CDH13: variants seen among roughly 807,000 people sequenced by gnomAD.
CDH13 encodes cadherin-13.
In CDH13, 24 loss-of-function variants were observed where a neutral mutation model predicts 63.8. The ratio of observed to expected loss-of-function variants is 0.38; its 90% confidence interval spans 0.27 to 0.53. The LOEUF is 0.53. Ranked by LOEUF, CDH13 falls within the 20% of genes least tolerant of loss-of-function variation. The pLI is 0.85. For missense variants in CDH13, 1,049 were observed against 903.1 expected, an observed-to-expected ratio of 1.16 and a Z score of -2.07; for synonymous variants, 503 against 355.3, an observed-to-expected ratio of 1.42 and a Z score of -4.67.
chr16:83,412,149 T>C (rs757585079), intron 6 of CDH13, among the ~76,000 whole-genome samples: 1 of 152,214 alleles, frequency 6.6e-6, no homozygotes, highest in Non-Finnish European at 1.5e-5. Context: ...AATCATGTAC[T>C]TCCTTTTCAC....
chr16:82,916,512 T>G (rs1422063680), intron 2 of CDH13, among the ~76,000 whole-genome samples: 5 of 151,938 alleles, frequency 3.3e-5, no homozygotes, highest in African/African-American at 1.2e-4. Context: ...AGTTGGAGGT[T>G]GCAGTGAGCT....
intron 1 of CDH13, among the ~76,000 whole-genome samples, chr16:82,856,324 G>A (rs2151162244): frequency 6.8e-6 from 1 of 147,386 alleles, no homozygotes; most frequent in Non-Finnish European, 1.5e-5. Context: ...GCAGTGAGCA[G>A]AGATCATGCC....
intron 3 of CDH13, among the ~76,000 whole-genome samples, chr16:83,088,584 C>G (rs2033731022): frequency 6.6e-6 from 1 of 152,124 alleles, no homozygotes; most frequent in Non-Finnish European, 1.5e-5. Flanking sequence ...GGCCCCTGTC[C>G]TATAAAGTAA....
chr16:82,890,291 A>G (rs899024872), intron 2 of CDH13, among the ~76,000 whole-genome samples: 4 of 152,210 alleles, frequency 2.6e-5, no homozygotes, highest in Admixed American at 6.5e-5. Flanking sequence ...AGTTTCAGTT[A>G]TCTAGGATAG....
chr16:83,352,372 T>C (rs865856275), intron 6 of CDH13, among the ~76,000 whole-genome samples: 1 of 152,154 alleles, frequency 6.6e-6, no homozygotes, highest in African/African-American at 2.4e-5. Context: ...TTAGTGGAAA[T>C]GTAAACAAAT....
At chr16:82,881,540 G>A (rs78375072) in intron 2 of CDH13, among the ~76,000 whole-genome samples, 8 of 152,168 alleles carry the variant, frequency 5.3e-5, no homozygotes, top group Non-Finnish European at 1.0e-4. Flanking sequence ...TAGAGGAAAA[G>A]ACTGTCTTTA....
intron 1 of CDH13, among the ~76,000 whole-genome samples, chr16:82,775,448 A>G (rs1253284342): frequency 1.3e-5 from 2 of 152,092 alleles, no homozygotes; most frequent in Non-Finnish European, 2.9e-5. Context: ...GTGGGATCAC[A>G]CTCACCCCAT....
At chr16:82,789,266 A>G (rs755170643) in intron 1 of CDH13, among the ~76,000 whole-genome samples, 3 of 152,222 alleles carry the variant, frequency 2.0e-5, no homozygotes, top group Admixed American at 2.0e-4. Flanking sequence ...CCTCAGGTTA[A>G]TTACACAAAG....
chr16:82,924,187 T>C (rs1397141276), intron 2 of CDH13, among the ~76,000 whole-genome samples: 1 of 152,212 alleles, frequency 6.6e-6, no homozygotes, highest in East Asian at 1.9e-4. Flanking sequence ...GTGGTAAATG[T>C]AAATTGAGAA....
intron 1 of CDH13, among the ~76,000 whole-genome samples, chr16:82,709,768 G>T (rs2031771347): frequency 1.3e-5 from 2 of 152,116 alleles, no homozygotes; most frequent in African/African-American, 4.8e-5. Flanking sequence ...GTATCTACAG[G>T]GTGGGCCATC....
chr16:83,713,530 C>T (rs964933290), intron 10 of CDH13, among the ~76,000 whole-genome samples: 11 of 151,856 alleles, frequency 7.2e-5, no homozygotes, highest in Non-Finnish European at 1.2e-4. Context: ...AAAATTTCCT[C>T]TTCAAATTTG....
At chr16:83,062,217 C>T (rs564093454) in intron 3 of CDH13, among the ~76,000 whole-genome samples, 2 of 152,298 alleles carry the variant, frequency 1.3e-5, no homozygotes, top group East Asian at 3.9e-4. Flanking sequence ...GAGAAGCCTT[C>T]CCTTATCAAC....
intron 1 of CDH13, among the ~76,000 whole-genome samples, chr16:82,794,313 C>G (rs773981534): frequency 4.9e-5 from 7 of 143,938 alleles, no homozygotes; most frequent in African/African-American, 7.3e-5. Context: ...TCTCTACAAA[C>G]TCGCCAGCTC....
rs530894938 is a variant in CDH13, at chr16:82,787,997, C to A, written c.46-70365C>A. 4.6e-5 allele frequency among the ~76,000 whole-genome samples: 7 copies of A among 152,320 alleles called. No homozygotes were observed. In the East Asian group the frequency reaches 7.7e-4, roughly 17 times the overall value. On this transcript the variant is annotated intron_variant, in intron 1 of 13. Transcript: ENST00000567109. ...CTGTGTCCTCCCTTCTGTCCTGAAG[C>A]ATTCCATGCTACACACCATTCATAA... is the stretch of plus-strand genomic sequence containing the variant.
At chr16:83,014,880 G>A (rs12918777) in intron 2 of CDH13, among the ~76,000 whole-genome samples, 109,817 of 129,724 alleles carry the variant, frequency 0.85, 46,643 homozygotes, top group East Asian at 0.95. Context: ...ATATATATAT[G>A]TTTGTGTATA....
intron 4 of CDH13, among the ~76,000 whole-genome samples, chr16:83,190,311 G>C (rs1293367823): frequency 6.6e-6 from 1 of 152,148 alleles, no homozygotes; most frequent in Non-Finnish European, 1.5e-5. Context: ...GCAAGTGGGA[G>C]GGTTGATGTA....
intron 7 of CDH13, among the ~76,000 whole-genome samples, chr16:83,562,449 C>T (rs1311298547): frequency 1.3e-5 from 2 of 152,230 alleles, no homozygotes; most frequent in African/African-American, 4.8e-5. Flanking sequence ...AGGAACAACA[C>T]TGGGTTACAT....
chr16:83,480,319 C>T (rs2073729022), intron 6 of CDH13, among the ~76,000 whole-genome samples: 1 of 152,152 alleles, frequency 6.6e-6, no homozygotes, highest in South Asian at 2.1e-4. Context: ...CTGTCTCAAA[C>T]AACAACAATA....
intron 3 of CDH13, among the ~76,000 whole-genome samples, chr16:83,058,864 C>T (rs568063796): frequency 2.6e-5 from 4 of 152,320 alleles, no homozygotes; most frequent in African/African-American, 7.2e-5. Context: ...TTCCAGGACT[C>T]TAACAAGGCT....
Sources: allele counts gnomAD v4.1 joint callset (sites outside exome capture counted in the v4.1 genomes callset), GRCh38; gene constraint gnomAD v4.1.1; transcripts MANE v1.5; gene names NCBI Gene and HGNC (gene_info 2026-07-23, HGNC 2026-07-21).